The following GALNT10 variants were observed in gnomAD, a reference collection of about 807,000 sequenced individuals.
GALNT10 encodes the protein polypeptide N-acetylgalactosaminyltransferase 10.
Under a neutral mutation model 75.0 loss-of-function variants are expected in GALNT10, and 41 were observed. The ratio of observed to expected loss-of-function variants is 0.55; its 90% confidence interval spans 0.43 to 0.71. The LOEUF is 0.71. Ranked by LOEUF, GALNT10 falls within the 30% of genes least tolerant of loss-of-function variation. The pLI is 0.00. For missense variants in GALNT10, 727 were observed against 818.5 expected (o/e 0.89, Z 1.36); for synonymous variants, 302 against 313.0 (o/e 0.96, Z 0.37).
chr5:154,324,319 A>T (rs141815700), intron 3 of GALNT10, among the ~76,000 whole-genome samples: 1 of 152,310 alleles, frequency 6.6e-6, no homozygotes, highest in Non-Finnish European at 1.5e-5. Flanking sequence ...GCTGAAGGTT[A>T]TGCCCCCTCC....
intron 4 of GALNT10, among the ~76,000 whole-genome samples, chr5:154,371,561 TGTACACACACACACACACACACGTGTGC>T (rs1017873518): frequency 0.012 from 598 of 51,554 alleles, 3 homozygotes; most frequent in African/African-American, 0.03. Context: ...TGTGTGTGTG[TGTACACACACACACACACACACGTGTGC>T]ACACACTCAG....
At chr5:154,212,782 CAG>C (rs1752783901) in intron 1 of GALNT10, among the ~76,000 whole-genome samples, 4 of 152,234 alleles carry the variant, frequency 2.6e-5, no homozygotes, top group Admixed American at 2.6e-4. Context: ...TCCTGGCTAA[CAG>C]GGTGAAACCC....
chr5:154,363,492 GAAAAAAAAAAAA>G (rs57710576), intron 4 of GALNT10, among the ~76,000 whole-genome samples: 868 of 37,586 alleles, frequency 0.023, 14 homozygotes, highest in African/African-American at 0.059. Flanking sequence ...GCGTTTATCT[GAAAAAAAAAAAA>G]AAAAAAAAAA....
At chr5:154,293,609 A>ATTTTTTTTTTTTT in intron 1 of GALNT10, among the ~76,000 whole-genome samples, 1 of 122,706 alleles carries the variant, frequency 8.1e-6, no homozygotes. Flanking sequence ...ATATATATAT[A>ATTTTTTTTTTTTT]TATATTTTTT....
At chr5:154,283,650 C>T (rs540745121) in intron 1 of GALNT10, among the ~76,000 whole-genome samples, 55 of 152,216 alleles carry the variant, frequency 3.6e-4, no homozygotes, top group African/African-American at 1.3e-3. Flanking sequence ...CATCATTGTC[C>T]AGGCAGAGAC....
At chr5:154,238,982 G>A (rs1046635571) in intron 1 of GALNT10, among the ~76,000 whole-genome samples, 1 of 152,070 alleles carries the variant, frequency 6.6e-6, no homozygotes, top group African/African-American at 2.4e-5. Context: ...TCTCAGGGAG[G>A]GGCGATCTCA....
chr5:154,308,796 A>T (rs572285216), intron 3 of GALNT10, among the ~76,000 whole-genome samples: 10 of 152,288 alleles, frequency 6.6e-5, no homozygotes, highest in African/African-American at 2.4e-4. Flanking sequence ...TCTTGAAGAG[A>T]TTTCAAGCAT....
In GALNT10 at chr5:154,376,182, C is replaced by T; in HGVS notation, c.569-95C>T. 1.2e-6 allele frequency: 1 copy of T among 809,274 alleles called. No homozygotes were observed. 50.1% of individuals were successfully genotyped at this position (809,274 alleles called of 1,614,324 possible). A position where few individuals can be genotyped will look rare whatever the true frequency, so the allele number is the denominator to read the frequency against. On this transcript the variant is annotated intron_variant, in intron 4 of 11. Coordinates refer to ENST00000297107, the MANE Select transcript of GALNT10 (RefSeq NM_198321.4). The surrounding 1 kb of genome is among the most constrained non-coding windows in gnomAD (Gnocchi z 4.1). ...GAGGCAGTGTACAGGAAAGCTGTGTCTAGACTGTGAAGTGCAGTTCACATG... is the reference window on the plus strand; with the variant it reads ...GAGGCAGTGTACAGGAAAGCTGTGTTTAGACTGTGAAGTGCAGTTCACATG...
chr5:154,346,591 A>G (rs917869582), intron 4 of GALNT10, among the ~76,000 whole-genome samples: 14 of 152,214 alleles, frequency 9.2e-5, no homozygotes, highest in Non-Finnish European at 1.8e-4. Context: ...ACATACCTCA[A>G]TGTGCTGTGT....
In GALNT10 at chr5:154,416,997, C is replaced by A; in HGVS notation, c.*25C>A. The A allele has an allele frequency of 6.2e-7, 1 of 1,611,500 alleles. No individual in the cohort carries two copies. The highest frequency in any genetic ancestry group is 8.5e-7 in the Non-Finnish European group (1 of 1,177,908). On this transcript the variant is annotated 3_prime_UTR_variant, in exon 12 of 12. Coordinates refer to ENST00000297107, the MANE Select transcript of GALNT10 (RefSeq NM_198321.4). The surrounding 1 kb of genome is among the most constrained non-coding windows in gnomAD (Gnocchi z 4.5). ...AGCCCTCATGTCCCCTTGGCAGGCC[C>A]CCCAGGGTCTGGCACTCACTGCAGA...
chr5:154,262,718 C>G (rs1581945044), intron 1 of GALNT10, among the ~76,000 whole-genome samples: 1 of 152,284 alleles, frequency 6.6e-6, no homozygotes, highest in African/African-American at 2.4e-5. Flanking sequence ...TTTTATCTCC[C>G]TGGAGGCTGC....
intron 4 of GALNT10, among the ~76,000 whole-genome samples, chr5:154,347,708 T>G (rs934499931): frequency 3.3e-5 from 5 of 152,226 alleles, no homozygotes; most frequent in African/African-American, 1.2e-4. Context: ...CATTTATTTC[T>G]CATAGAACCA....
chr5:154,388,782 CG>C (rs1183298754), intron 7 of GALNT10: 4 of 146,512 alleles, frequency 2.7e-5, no homozygotes, highest in African/African-American at 1.0e-4. Flanking sequence ...CAATCTAAGT[CG>C]GAAGTGGCAA....
rs1756526345 is a variant in GALNT10, at chr5:154,416,981, G to A, written c.*9G>A. 1.9e-6 allele frequency: 3 copies of A among 1,613,766 alleles called. No individual in the cohort carries two copies. The highest frequency in any genetic ancestry group is 1.3e-5 in the African/African-American group (1 of 75,044). ...AATTCAATAGGAACTGAGCCCTCAT[G>A]TCCCCTTGGCAGGCCCCCCAGGGTC... On this transcript the variant is annotated 3_prime_UTR_variant, in exon 12 of 12. Transcript: ENST00000297107. The surrounding 1 kb of genome is among the most constrained non-coding windows in gnomAD (Gnocchi z 4.5).
intron 2 of GALNT10, 51 bp from the exon 3 acceptor site, chr5:154,297,890 T>C (rs779659631): frequency 6.5e-7 from 1 of 1,546,366 alleles, no homozygotes; most frequent in Admixed American, 1.8e-5. Flanking sequence ...CCACTCCATA[T>C]ACAGTACCCC....
chr5:154,297,877 T>C (rs1311791582), intron 2 of GALNT10, 64 bp from the exon 3 acceptor site: 39 of 1,395,696 alleles, frequency 2.8e-5, no homozygotes, highest in Non-Finnish European at 3.8e-5. Context: ...TCATCCTTTT[T>C]CCCCACTCCA....
chr5:154,397,021 G>T (rs2113202859), intron 7 of GALNT10, among the ~76,000 whole-genome samples: 1 of 151,932 alleles, frequency 6.6e-6, no homozygotes, highest in African/African-American at 2.4e-5. Context: ...CAGCTACTCG[G>T]GAGGCTGAGG....
chr5:154,282,185 A>T (rs1754047927), intron 1 of GALNT10, among the ~76,000 whole-genome samples: 1 of 152,202 alleles, frequency 6.6e-6, no homozygotes, highest in African/African-American at 2.4e-5. Context: ...CTTTATAAGG[A>T]TGCTGCTCTC....
Position 154,412,079 on chromosome 5 carries a change from G to A in GALNT10, c.1387-810G>A, listed in dbSNP as rs897693953. On this transcript the variant is annotated intron_variant, in intron 9 of 11. Transcript: ENST00000297107. The surrounding 1 kb of genome is among the most constrained non-coding windows in gnomAD (Gnocchi z 4.2). ...TGGGATCCATCCATGGGTGGACACAGTGGTGGATTCAGAATACAGGATCTG... is the reference window on the plus strand; with the variant it reads ...TGGGATCCATCCATGGGTGGACACAATGGTGGATTCAGAATACAGGATCTG... Among the ~76,000 whole-genome samples the A allele has an allele frequency of 6.6e-6, 1 of 152,202 alleles. No individual in the cohort carries two copies. Among genetic ancestry groups the A allele is most frequent in the African/African-American group, 2.4e-5 (1 of 41,452 alleles).
Sources: gnomAD v4.1 joint callset for allele counts (sites outside exome capture counted in the v4.1 genomes callset) on GRCh38, gnomAD v4.1.1 for gene constraint, Gnocchi (gnomAD v3.1) non-coding constraint, MANE v1.5 for transcripts, NCBI Gene and HGNC (gene_info 2026-07-23, HGNC 2026-07-21) for gene names.